Variants in PGM2 observed in about 807,000 individuals in gnomAD.
PGM2 encodes the protein phosphopentomutase.
A neutral mutation model predicts 74.6 loss-of-function variants in PGM2; 57 were observed. The ratio of observed to expected loss-of-function variants is 0.76; its 90% CI spans 0.62 to 0.95. PGM2 has a LOEUF of 0.95. PGM2 is among the 40% of genes least tolerant of loss of function. The probability of loss-of-function intolerance (pLI) is 0.00; values close to 1 mark genes in which losing one functional copy is unlikely to be tolerated. For synonymous variants in PGM2, 273 were observed against 260.7 expected (o/e 1.05, Z -0.46); for missense variants, 706 against 741.9 (o/e 0.95, Z 0.56).
At position 37,861,885 on chromosome 4, in the gene PGM2, A is replaced by G. The variant is rs764096364; in HGVS notation, c.*273A>G. Reference sequence around the variant, plus strand: ...TTTTTAAACTGACTAACTTAAAAAAATAGATTGTAATTGATGTGCCTTAAT... The same window carrying G: ...TTTTTAAACTGACTAACTTAAAAAAGTAGATTGTAATTGATGTGCCTTAAT... On this transcript the variant is annotated 3_prime_UTR_variant, in exon 14 of 14. Coordinates refer to ENST00000381967, the MANE Select transcript of PGM2 (RefSeq NM_018290.4). 9.6e-6 allele frequency: 3 copies of G among 314,114 alleles called. No homozygotes were observed. Among genetic ancestry groups the G allele is most frequent in the Non-Finnish European group, 1.8e-5 (3 of 163,374 alleles). 19.5% of individuals were successfully genotyped at this position (314,114 alleles called of 1,614,324 possible). A position where few individuals can be genotyped will look rare whatever the true frequency, so the allele number is the denominator to read the frequency against.
intron 6 of PGM2, 57 bp from the exon 7 acceptor site, chr4:37,844,307 A>C (rs975910015): frequency 8.9e-7 from 1 of 1,120,984 alleles, no homozygotes; most frequent in East Asian, 2.5e-5. Context: ...CAAACCTTGC[A>C]GTTTTGAGAG....
intron 11 of PGM2, 41 bp downstream of exon 11, chr4:37,848,692 G>A (rs376288382): frequency 1.2e-5 from 4 of 334,724 alleles, no homozygotes; most frequent in South Asian, 3.4e-5. Flanking sequence ...ATAATATTTT[G>A]AAATGTTCTA....
At chr4:37,860,181 G>T (rs530091186) in intron 13 of PGM2, among the ~76,000 whole-genome samples, 2 of 152,276 alleles carry the variant, frequency 1.3e-5, no homozygotes, top group South Asian at 4.1e-4. Flanking sequence ...TTAGTTTTAA[G>T]TATACTTTAA....
Position 37,848,346 on chromosome 4 carries a change from C to T in PGM2, c.1283-176C>T, listed in dbSNP as rs567420308. Among the ~76,000 whole-genome samples the T allele has an allele frequency of 2.0e-5, 3 of 152,330 alleles. No homozygotes were observed. In the East Asian group the frequency reaches 5.8e-4, roughly 29 times the overall value. On this transcript the variant is annotated intron_variant, in intron 10 of 13. Coordinates refer to ENST00000381967, the MANE Select transcript of PGM2 (RefSeq NM_018290.4). ...CTTGCAGGTTCTTCAGCAAATACTTCTTGAAGGCCTGCTATGGGCTAGGCA... is the reference window on the plus strand; with the variant it reads ...CTTGCAGGTTCTTCAGCAAATACTTTTTGAAGGCCTGCTATGGGCTAGGCA...
chr4:37,851,772 G>C (rs1025878239), intron 12 of PGM2, among the ~76,000 whole-genome samples: 1 of 151,988 alleles, frequency 6.6e-6, no homozygotes, highest in Non-Finnish European at 1.5e-5. Flanking sequence ...TAGTTCTTAC[G>C]CTTTCTACAT....
rs369517613 is a variant in PGM2, at chr4:37,849,948, C to T, written c.1413-236C>T. Among the ~76,000 whole-genome samples, 396 of 151,972 alleles carry T rather than the reference C, an allele frequency of 2.6e-3. 2 individuals carry two copies. Among genetic ancestry groups the T allele is most frequent in the African/African-American group, 8.7e-3 (361 of 41,442 alleles). On this transcript the variant is annotated intron_variant, in intron 11 of 13. Coordinates refer to ENST00000381967, the MANE Select transcript of PGM2 (RefSeq NM_018290.4). ...GACTACAGGTGCCTGTCACCATACC[C>T]GGCTAATTTTTGTATTTTTAGTAAA... is the stretch of plus-strand genomic sequence containing the variant.
chr4:37,851,944 T>C (rs986665559), intron 12 of PGM2, among the ~76,000 whole-genome samples: 1 of 151,008 alleles, frequency 6.6e-6, no homozygotes, highest in Admixed American at 6.6e-5. Flanking sequence ...GAATTGTATT[T>C]CCTGTACCTT....
chr4:37,829,888 A>G (rs1725394627), intron 1 of PGM2, 76 bp from the exon 2 acceptor site: 2 of 682,548 alleles, frequency 2.9e-6, no homozygotes, highest in African/African-American at 1.8e-5. Context: ...TATAGATTAG[A>G]ATGATTGTGA....
Position 37,847,020 on chromosome 4 carries a change from G to T in PGM2, c.1097G>T (p.Arg366Leu), listed in dbSNP as rs1216137870. ...TCTTGGAAAGAGAAGAACCAGGATC[G>T]CAGTGCTCTCAAAGACACGTACATG... ...FTSWKEKNQD[R>L]SALKDTYMLS... The change falls in exon 9 of 14, where the codon CGC becomes CTC. Residue 366 changes from arginine (R) to leucine (L), a missense_variant. By Grantham distance (102) the Arg-to-Leu change is moderately radical. This residue lies in a region of PGM2 where 359 missense variants were observed against 371.1 expected (regional missense o/e 0.97). Coordinates refer to ENST00000381967, the MANE Select transcript of PGM2 (RefSeq NM_018290.4). 2 of 1,613,230 alleles carry T rather than the reference G, an allele frequency of 1.2e-6. No individual in the cohort carries two copies. The highest frequency in any genetic ancestry group is 2.2e-5 in the East Asian group (1 of 44,898).
In PGM2 at chr4:37,839,918, A is replaced by C. The variant is rs752336133; in HGVS notation, c.512A>C (p.Asp171Ala). 297 of 1,594,050 alleles carry C rather than the reference A, an allele frequency of 1.9e-4. No homozygotes were observed. Among genetic ancestry groups the C allele is most frequent in the Non-Finnish European group, 2.4e-4 (280 of 1,161,976 alleles). ...ACTGCATCTCACAATCCAAAGCAGG[A>C]TAATGGTTATAAGGTATTTTCCTTT... is the stretch of plus-strand genomic sequence containing the variant. ...MITASHNPKQ[D>A]NGYKVYWDNG... The change falls in exon 5 of 14, where the codon GAT becomes GCT. Residue 171 changes from aspartate (D) to alanine (A), a missense_variant. This residue lies in a region of PGM2 where 332 missense variants were observed against 334.9 expected (regional missense o/e 0.99). Coordinates refer to ENST00000381967, the MANE Select transcript of PGM2 (RefSeq NM_018290.4).
chr4:37,848,260 A>G (rs1421469499), intron 10 of PGM2, among the ~76,000 whole-genome samples: 2 of 152,250 alleles, frequency 1.3e-5, no homozygotes, highest in African/African-American at 4.8e-5. Flanking sequence ...AAACAATTTC[A>G]TGAGCTGGAA....
Position 37,843,422 on chromosome 4 carries a change from A to C in PGM2, c.720-942A>C, listed in dbSNP as rs150317714. ...TTGTTCATTTATTCATTCCCAAAAG[A>C]AATGGATAATAACCTAAGATTCCAG... On this transcript the variant is annotated intron_variant, in intron 6 of 13. Coordinates refer to ENST00000381967, the MANE Select transcript of PGM2 (RefSeq NM_018290.4). Among the ~76,000 whole-genome samples the C allele has an allele frequency of 6.4e-4, 97 of 152,268 alleles. 1 individual carries two copies. The East Asian group carries it at 0.015, about 24-fold the overall frequency.
At chr4:37,841,100 A>ATATATGTGTGTGTG (rs1202149456) in intron 6 of PGM2, among the ~76,000 whole-genome samples, 3 of 115,786 alleles carry the variant, frequency 2.6e-5, no homozygotes, top group African/African-American at 1.1e-4. Flanking sequence ...ATATATATAT[A>ATATATGTGTGTGTG]TGTGTGTGTG....
Position 37,847,006 on chromosome 4 carries a change from G to C in PGM2, c.1083G>C (p.Glu361Asp). Residue 361 changes from glutamate to aspartate, a missense_variant, in exon 9 of 14, where the codon GAG (glutamate) becomes GAC (aspartate). By Grantham distance (45) the Glu-to-Asp change is conservative. Around this residue, in one of 3 missense-constraint regions of PGM2, gnomAD observed 359 missense variants for 371.1 expected, o/e 0.97. Transcript: ENST00000381967. ...GGTGGCTTTTTACATCTTGGAAAGA[G>C]AAGAACCAGGATCGCAGTGCTCTCA... ...LGWWLFTSWK[E>D]KNQDRSALKD... 1.9e-6 allele frequency: 3 copies of C among 1,613,756 alleles called. No individual in the cohort carries two copies. The highest frequency in any genetic ancestry group is 2.5e-6 in the Non-Finnish European group (3 of 1,179,718).
At chr4:37,847,518 G>A (rs1725909899) in intron 10 of PGM2, 2 of 483,168 alleles carry the variant, frequency 4.1e-6, no homozygotes, top group African/African-American at 1.9e-5. Flanking sequence ...CCTTTGCCTG[G>A]ATGACTCAAA....
At chr4:37,859,772 A>G (rs6838662) in intron 13 of PGM2, among the ~76,000 whole-genome samples, 25,975 of 152,118 alleles carry the variant, frequency 0.17, 2,740 homozygotes, top group African/African-American at 0.3. Context: ...CTTGTCGTTT[A>G]GCTTAAATGT....
At chr4:37,840,773 C>T (rs1269587793) in intron 6 of PGM2, among the ~76,000 whole-genome samples, 3 of 151,990 alleles carry the variant, frequency 2.0e-5, no homozygotes, top group Non-Finnish European at 2.9e-5. Context: ...CTTTGAGGTC[C>T]ACACAGACTC....
chr4:37,859,597 G>T (rs956432725), intron 13 of PGM2, among the ~76,000 whole-genome samples: 4 of 151,852 alleles, frequency 2.6e-5, no homozygotes, highest in Non-Finnish European at 5.9e-5. Context: ...ACTGATGATA[G>T]ATATTAATCA....
chr4:37,850,661 G>T (rs965167898), intron 12 of PGM2, among the ~76,000 whole-genome samples: 4 of 151,838 alleles, frequency 2.6e-5, no homozygotes, highest in Admixed American at 1.3e-4. Flanking sequence ...AATTAGCTGG[G>T]CGTGGTAAGT....
Sources: gnomAD v4.1 joint callset for allele counts (sites outside exome capture counted in the v4.1 genomes callset) on GRCh38, gnomAD v4.1.1 for gene constraint, gnomAD v4.1.1 regional missense constraint, MANE v1.5 for transcripts, NCBI Gene and HGNC (gene_info 2026-07-23, HGNC 2026-07-21) for gene names.